Variants in FAM149B1 observed in about 807,000 individuals in gnomAD.
FAM149B1 encodes family with sequence similarity 149 member B1.
FAM149B1 carries 56 observed loss-of-function variants against 75.3 expected under a neutral mutation model. That is an observed-to-expected ratio of 0.74 (90% CI 0.60 to 0.93). The LOEUF (loss-of-function observed/expected upper bound fraction) is 0.93. Among genes scored for constraint, FAM149B1 ranks in the 40% least tolerant of loss-of-function variants. The pLI is 0.00. For synonymous variants in FAM149B1, 259 were observed against 256.1 expected, an observed-to-expected ratio of 1.01 and a Z score of -0.11; for missense variants, 639 against 708.4, an observed-to-expected ratio of 0.90 and a Z score of 1.11.
chr10:73,241,159 G>A lies in FAM149B1; in HGVS notation c.*140G>A, dbSNP rs555119862. ...AAGAGTGATTTTGGCACAAGTGACC[G>A]AAGAACAAAACACCATAGCAGCCAA... On this transcript the variant is annotated 3_prime_UTR_variant, in exon 14 of 14. Transcript: ENST00000242505. 7.4e-5 allele frequency: 48 copies of A among 649,374 alleles called. No individual in the cohort carries two copies. The highest frequency in any genetic ancestry group is 5.3e-4 in the Middle Eastern group (2 of 3,792). The allele number at this position is 649,374 out of a possible 1,614,324, so 40.2% of individuals were successfully genotyped here. A position where few individuals can be genotyped will look rare whatever the true frequency, so the allele number is the denominator to read the frequency against.
intron 7 of FAM149B1, among the ~76,000 whole-genome samples, chr10:73,223,665 T>C (rs2043469361): frequency 2.6e-5 from 4 of 152,176 alleles, no homozygotes; most frequent in South Asian, 2.1e-4. Context: ...GCTCCACATT[T>C]GCCACACTTG....
At chr10:73,172,572 T>C (rs1323199928) in intron 1 of FAM149B1, among the ~76,000 whole-genome samples, 1 of 152,234 alleles carries the variant, frequency 6.6e-6, no homozygotes, top group East Asian at 1.9e-4. Context: ...TGTGTAACTT[T>C]GTTCAACCTA....
At position 73,241,194 on chromosome 10, in the gene FAM149B1, G is replaced by A; in HGVS notation, c.*175G>A. The A allele has an allele frequency of 1.7e-6, 1 of 581,764 alleles. No individual in the cohort carries two copies. Among genetic ancestry groups the A allele is most frequent in the Non-Finnish European group, 3.1e-6 (1 of 323,234 alleles). 36.0% of individuals were successfully genotyped at this position (581,764 alleles called of 1,614,324 possible). A position where few individuals can be genotyped will look rare whatever the true frequency, so the allele number is the denominator to read the frequency against. Reference sequence around the variant, plus strand: ...ACACCATAGCAGCCAAAAATGACATGAGTGTTGTTTCTATCTCCAGTTACT... The same window carrying A: ...ACACCATAGCAGCCAAAAATGACATAAGTGTTGTTTCTATCTCCAGTTACT... On this transcript the variant is annotated 3_prime_UTR_variant, in exon 14 of 14. Transcript: ENST00000242505.
At chr10:73,223,279 T>C (rs2043460280) in intron 7 of FAM149B1, among the ~76,000 whole-genome samples, 1 of 152,192 alleles carries the variant, frequency 6.6e-6, no homozygotes, top group Non-Finnish European at 1.5e-5. Flanking sequence ...TAATTTTGCC[T>C]GTTTTAAAAT....
intron 5 of FAM149B1, among the ~76,000 whole-genome samples, chr10:73,206,103 C>T (rs2043048190): frequency 6.6e-6 from 1 of 152,152 alleles, no homozygotes; most frequent in Non-Finnish European, 1.5e-5. Flanking sequence ...CTGACAAGGT[C>T]TCAGAAGGAA....
chr10:73,178,500 AAAC>A (rs1272459340), intron 3 of FAM149B1, among the ~76,000 whole-genome samples: 3 of 152,098 alleles, frequency 2.0e-5, no homozygotes, highest in South Asian at 2.1e-4. Context: ...AAAAAAAAAA[AAAC>A]AACAACAAAC....
At chr10:73,239,458 C>A in intron 13 of FAM149B1, 74 bp downstream of exon 13, 4 of 1,049,150 alleles carry the variant, frequency 3.8e-6, no homozygotes, top group Non-Finnish European at 5.6e-6. Flanking sequence ...TTTTTTCCTA[C>A]ACCTATTTCC....
Position 73,243,334 on chromosome 10 carries a change from C to T in FAM149B1, c.*2315C>T. The T allele has an allele frequency of 6.3e-7, 1 of 1,580,598 alleles. No homozygotes were observed. The highest frequency in any genetic ancestry group is 8.6e-7 in the Non-Finnish European group (1 of 1,163,706). ...GCTGAATTGACTTTTGCCTTCAAAT[C>T]CTGCCTGCACCTTGCCTACGATGGC... is the stretch of plus-strand genomic sequence containing the variant. On this transcript the variant is annotated 3_prime_UTR_variant, in exon 14 of 14. Transcript: ENST00000242505.
chr10:73,209,354 C>T (rs1346759329), intron 6 of FAM149B1, among the ~76,000 whole-genome samples: 2 of 151,780 alleles, frequency 1.3e-5, no homozygotes, highest in Non-Finnish European at 2.9e-5. Context: ...AGGCTGAGGC[C>T]AGAGAATCGC....
intron 3 of FAM149B1, among the ~76,000 whole-genome samples, chr10:73,188,583 G>T (rs552083609): frequency 1.3e-5 from 2 of 152,046 alleles, no homozygotes; most frequent in Non-Finnish European, 2.9e-5. Context: ...TTAGCCAGGC[G>T]TGGTGGCAGG....
chr10:73,170,503 CAAAT>C (rs768512624), intron 1 of FAM149B1, among the ~76,000 whole-genome samples: 1 of 150,068 alleles, frequency 6.7e-6, no homozygotes. Context: ...GACTCTGTCT[CAAAT>C]AAATAAATAA....
intron 12 of FAM149B1, among the ~76,000 whole-genome samples, chr10:73,238,611 T>C (rs931469273): frequency 1.2e-4 from 18 of 152,234 alleles, no homozygotes; most frequent in African/African-American, 3.9e-4. Flanking sequence ...AAGCCTAATA[T>C]AATAACTATC....
chr10:73,243,738 T>C lies in FAM149B1; in HGVS notation c.*2719T>C, dbSNP rs188683190. 3.4e-5 allele frequency: 40 copies of C among 1,162,438 alleles called. No homozygotes were observed. The highest frequency in any genetic ancestry group is 4.8e-5 in the Non-Finnish European group (39 of 807,978). 72.0% of individuals were successfully genotyped at this position (1,162,438 alleles called of 1,614,324 possible). A position where few individuals can be genotyped will look rare whatever the true frequency, so the allele number is the denominator to read the frequency against. On this transcript the variant is annotated 3_prime_UTR_variant, in exon 14 of 14. Coordinates refer to ENST00000242505, the MANE Select transcript of FAM149B1 (RefSeq NM_173348.2). The stretch of plus-strand genomic sequence containing the variant: ...ACTTTAAAAGGACAAATAGAAGGTA[T>C]GCGGTTATGTCTTAAAAGAAGAAAA...
In FAM149B1 at chr10:73,242,664, T is replaced by C. The variant is rs2043967792; in HGVS notation, c.*1645T>C. The C allele has an allele frequency of 6.6e-6, 1 of 152,214 alleles. No individual in the cohort carries two copies. The highest frequency in any genetic ancestry group is 1.5e-5 in the Non-Finnish European group (1 of 68,040). The allele number at this position is 152,214 out of a possible 1,614,324, so 9.4% of individuals were successfully genotyped here. ...TTAATGGCAGGACTTCAGTAATCAG[T>C]GGCAGGACTACAACATACATCTCTT... On this transcript the variant is annotated 3_prime_UTR_variant, in exon 14 of 14. Transcript: ENST00000242505.
At chr10:73,186,376 C>T (rs528110940) in intron 3 of FAM149B1, among the ~76,000 whole-genome samples, 4 of 152,176 alleles carry the variant, frequency 2.6e-5, no homozygotes, top group South Asian at 2.1e-4. Flanking sequence ...TTAGAACTAA[C>T]GTTATTATAT....
intron 5 of FAM149B1, among the ~76,000 whole-genome samples, chr10:73,207,853 T>G (rs1007386956): frequency 3.9e-5 from 6 of 152,230 alleles, no homozygotes; most frequent in Admixed American, 6.5e-5. Flanking sequence ...AATAACTTGT[T>G]TTTGATTTAC....
At chr10:73,191,863 A>G (rs2042692188) in intron 3 of FAM149B1, among the ~76,000 whole-genome samples, 1 of 152,092 alleles carries the variant, frequency 6.6e-6, no homozygotes, top group South Asian at 2.1e-4. Flanking sequence ...TTTACAATTA[A>G]TACTGTATAT....
intron 9 of FAM149B1, chr10:73,231,248 A>G (rs2043690386): frequency 1.3e-5 from 2 of 152,116 alleles, no homozygotes; most frequent in Non-Finnish European, 2.9e-5. Context: ...AACAAGGGTC[A>G]TTTCCAGGTT....
At position 73,242,578 on chromosome 10, in the gene FAM149B1, T is replaced by C. The variant is rs886682494; in HGVS notation, c.*1559T>C. Reference sequence around the variant, plus strand: ...TCACTCTTTGTTTTGATGTAGTAACTCTTTTATAAAAGGGAACAGATTCAG... The same window carrying C: ...TCACTCTTTGTTTTGATGTAGTAACCCTTTTATAAAAGGGAACAGATTCAG... On this transcript the variant is annotated 3_prime_UTR_variant, in exon 14 of 14. Coordinates refer to ENST00000242505, the MANE Select transcript of FAM149B1 (RefSeq NM_173348.2). 6.6e-6 allele frequency: 1 copy of C among 152,210 alleles called. No homozygotes were observed. The highest frequency in any genetic ancestry group is 1.5e-5 in the Non-Finnish European group (1 of 68,042). The allele number at this position is 152,210 out of a possible 1,614,324, so 9.4% of individuals were successfully genotyped here.
Sources: allele counts gnomAD v4.1 joint callset (sites outside exome capture counted in the v4.1 genomes callset), GRCh38; gene constraint gnomAD v4.1.1; transcripts MANE v1.5; gene names NCBI Gene and HGNC (gene_info 2026-07-23, HGNC 2026-07-21).